Variants in CSGALNACT2 observed in about 807,000 individuals in gnomAD.
CSGALNACT2 encodes beta 4 GalNAcT-2.
In CSGALNACT2, 35 loss-of-function variants were observed where a neutral mutation model predicts 55.3. The ratio of observed to expected loss-of-function variants is 0.63; its 90% confidence interval spans 0.48 to 0.84. The LOEUF is 0.84. Among genes scored for constraint, CSGALNACT2 ranks in the 40% least tolerant of loss-of-function variants. The pLI, the probability that CSGALNACT2 is intolerant of heterozygous loss-of-function variation, is 0.00. For missense variants in CSGALNACT2, 544 were observed against 657.5 expected, an observed-to-expected ratio of 0.83 and a Z score of 1.89; for synonymous variants, 196 against 224.9, an observed-to-expected ratio of 0.87 and a Z score of 1.15.
intron 1 of CSGALNACT2, among the ~76,000 whole-genome samples, chr10:43,147,395 A>G (rs1266722243): frequency 1.3e-5 from 2 of 152,324 alleles, no homozygotes; most frequent in African/African-American, 4.8e-5. Flanking sequence ...CAAGTCCTTT[A>G]TAAGACGCAT....
intron 6 of CSGALNACT2, among the ~76,000 whole-genome samples, chr10:43,173,410 C>T (rs1174280710): frequency 1.3e-5 from 2 of 152,162 alleles, no homozygotes; most frequent in Non-Finnish European, 2.9e-5. Flanking sequence ...TGGATAACTG[C>T]ATCTCCCACA....
Position 43,158,843 on chromosome 10 carries a change from A to G in CSGALNACT2, c.790A>G (p.Met264Val), listed in dbSNP as rs1588901129. Reference sequence around the variant, plus strand: ...ACCTCTCATGAAAGTGAAGAGTGAGATGATTGACATCACTAGATCAATTAT... The same window carrying G: ...ACCTCTCATGAAAGTGAAGAGTGAGGTGATTGACATCACTAGATCAATTAT... The part of the protein sequence containing the change: ...FGPLMKVKSE[M>V]IDITRSIINI... The change falls in exon 3 of 8, where the codon ATG (methionine) becomes GTG (valine). Residue 264 changes from methionine (M) to valine (V), a missense_variant. Around this residue, in one of 2 missense-constraint regions of CSGALNACT2, gnomAD observed 374 missense variants for 401.3 expected, o/e 0.93. Transcript: ENST00000374466. 1.2e-6 allele frequency: 2 copies of G among 1,609,950 alleles called. No homozygotes were observed. Among genetic ancestry groups the G allele is most frequent in the East Asian group, 2.2e-5 (1 of 44,856 alleles).
chr10:43,180,471 C>T (rs1471760011), intron 7 of CSGALNACT2, among the ~76,000 whole-genome samples: 9 of 152,136 alleles, frequency 5.9e-5, no homozygotes, highest in Non-Finnish European at 1.3e-4. Context: ...TCCTTAGATC[C>T]ATCTCACTGC....
Position 43,167,021 on chromosome 10 carries a change from C to T in CSGALNACT2, c.1177C>T (p.Pro393Ser), listed in dbSNP as rs767815956. ...NAEPGKKVFY[P>S]VVFSLYNPAI... ...ATTTGTAGGTAAGAAGGTGTTTTAC[C>T]CTGTGGTGTTCAGTCTTTACAATCC... Residue 393 changes from proline (P) to serine (S), a missense_variant, in exon 6 of 8, where the codon CCT (proline) becomes TCT (serine). Around this residue, in one of 2 missense-constraint regions of CSGALNACT2, gnomAD observed 170 missense variants for 256.2 expected, o/e 0.66. Transcript: ENST00000374466. 4 of 1,609,246 alleles carry T rather than the reference C, an allele frequency of 2.5e-6. No individual in the cohort carries two copies.
At chr10:43,141,028 G>A (rs903446127) in intron 1 of CSGALNACT2, among the ~76,000 whole-genome samples, 1 of 152,090 alleles carries the variant, frequency 6.6e-6, no homozygotes, top group Non-Finnish European at 1.5e-5. Flanking sequence ...TATGCCTACT[G>A]AACACATACA....
At chr10:43,175,899 T>A in intron 6 of CSGALNACT2, 52 bp from the exon 7 acceptor site, 5 of 1,481,284 alleles carry the variant, frequency 3.4e-6, no homozygotes, top group Non-Finnish European at 4.6e-6. Context: ...TGATTAAAAC[T>A]TCTGCTTCTT....
intron 1 of CSGALNACT2, among the ~76,000 whole-genome samples, chr10:43,153,052 T>A (rs1838911110): frequency 6.6e-6 from 1 of 152,146 alleles, no homozygotes; most frequent in Admixed American, 6.5e-5. Flanking sequence ...GTAAGAGAGA[T>A]GCTGTAATAG....
At chr10:43,152,950 A>T (rs1382269690) in intron 1 of CSGALNACT2, among the ~76,000 whole-genome samples, 1 of 152,158 alleles carries the variant, frequency 6.6e-6, no homozygotes, top group East Asian at 1.9e-4. Flanking sequence ...CCTGGAAATA[A>T]TACTAGTTAT....
Position 43,168,057 on chromosome 10 carries a change from A to G in CSGALNACT2, c.1254+959A>G, listed in dbSNP as rs186019418. 5.3e-5 allele frequency among the ~76,000 whole-genome samples: 8 copies of G among 152,320 alleles called. No homozygotes were observed. The East Asian group carries it at 1.3e-3, about 26-fold the overall frequency. On this transcript the variant is annotated intron_variant, in intron 6 of 7. Transcript: ENST00000374466. ...AATATGAAAACATTGAGATAAATCA[A>G]TTTTATAGGGTAAGTTTTCTAAATT... is the stretch of plus-strand genomic sequence containing the variant.
rs200474280 is a variant in CSGALNACT2, at chr10:43,155,538, A to G, written c.389A>G (p.Lys130Arg). 8.1e-6 allele frequency: 13 copies of G among 1,614,206 alleles called. No homozygotes were observed. Among genetic ancestry groups the G allele is most frequent in the Non-Finnish European group, 1.1e-5 (13 of 1,180,034 alleles). Residue 130 changes from lysine to arginine, a missense_variant, in exon 2 of 8, where the codon AAA becomes AGA. Lys to Arg is a conservative substitution (Grantham distance 26). Around this residue, in one of 2 missense-constraint regions of CSGALNACT2, gnomAD observed 374 missense variants for 401.3 expected, o/e 0.93. Transcript: ENST00000374466. ...LLEFLHSQID[K>R]AEVSIGAKLP... ...GAGTTTCTTCATTCCCAAATTGACA[A>G]AGCTGAAGTTAGCATAGGGGCCAAA...
rs17363786 is a variant in CSGALNACT2 at position 43,184,138 on chromosome 10, G to A, written c.*596G>A. The A allele has an allele frequency of 0.035, 5,396 of 152,602 alleles. 160 individuals are homozygous for A. Among genetic ancestry groups the A allele is most frequent in the South Asian group, 0.067 (322 of 4,834 alleles). 9.5% of individuals were successfully genotyped at this position (152,602 alleles called of 1,614,324 possible). A position where few individuals can be genotyped will look rare whatever the true frequency, so the allele number is the denominator to read the frequency against. ...CTGTTGCTTACACCCCTGAAAGTCT[G>A]TTTTTAAGCAAATGGGTAATAGTAG... On this transcript the variant is annotated 3_prime_UTR_variant, in exon 8 of 8. Transcript: ENST00000374466.
chr10:43,180,389 G>A (rs1021610336), intron 7 of CSGALNACT2, among the ~76,000 whole-genome samples: 36 of 151,876 alleles, frequency 2.4e-4, no homozygotes, highest in African/African-American at 7.7e-4. Context: ...AGCTAAGTCC[G>A]GTCTACTAAT....
At chr10:43,144,004 T>C (rs762305339) in intron 1 of CSGALNACT2, among the ~76,000 whole-genome samples, 1 of 152,212 alleles carries the variant, frequency 6.6e-6, no homozygotes, top group Non-Finnish European at 1.5e-5. Context: ...TTCCTAGATA[T>C]TTACACTTCA....
chr10:43,181,610 G>A (rs1182546843), intron 7 of CSGALNACT2, among the ~76,000 whole-genome samples: 3 of 151,714 alleles, frequency 2.0e-5, no homozygotes, highest in Non-Finnish European at 4.4e-5. Context: ...GAAATTAAGT[G>A]GGATAGAATT....
Position 43,184,040 on chromosome 10 carries a change from T to C in CSGALNACT2, c.*498T>C, listed in dbSNP as rs920274910. ...AATCCTTTTCCACTGAAATAGAGGATAATTAATTGACACATCTGAAATCCC... is the reference window on the plus strand; with the variant it reads ...AATCCTTTTCCACTGAAATAGAGGACAATTAATTGACACATCTGAAATCCC... On this transcript the variant is annotated 3_prime_UTR_variant, in exon 8 of 8. Coordinates refer to ENST00000374466, the MANE Select transcript of CSGALNACT2 (RefSeq NM_018590.5). The C allele has an allele frequency of 6.4e-6, 1 of 155,284 alleles. No individual in the cohort carries two copies. Among genetic ancestry groups the C allele is most frequent in the African/African-American group, 2.4e-5 (1 of 41,468 alleles). The allele number at this position is 155,284 out of a possible 1,614,324, so 9.6% of individuals were successfully genotyped here.
intron 1 of CSGALNACT2, among the ~76,000 whole-genome samples, chr10:43,139,248 T>C (rs991741960): frequency 2.0e-5 from 3 of 152,222 alleles, no homozygotes; most frequent in African/African-American, 7.2e-5. Context: ...TCATGTCTGG[T>C]AATTAATGTT....
chr10:43,156,028 G>C (rs899078937), intron 2 of CSGALNACT2, among the ~76,000 whole-genome samples: 1 of 152,168 alleles, frequency 6.6e-6, no homozygotes, highest in Non-Finnish European at 1.5e-5. Flanking sequence ...CTGGAAAAAG[G>C]TATGAGATCA....
intron 4 of CSGALNACT2, chr10:43,162,576 T>G: frequency 2.0e-6 from 2 of 985,460 alleles, no homozygotes; most frequent in Non-Finnish European, 2.4e-6. Context: ...TTCAGAGCAC[T>G]TGGAGTCCAC....
chr10:43,143,782 A>G (rs1482848488), intron 1 of CSGALNACT2, among the ~76,000 whole-genome samples: 1 of 152,176 alleles, frequency 6.6e-6, no homozygotes, highest in Non-Finnish European at 1.5e-5. Flanking sequence ...ACACGCTGTT[A>G]AAAGGATCCA....
Sources: gnomAD v4.1 joint callset for allele counts (sites outside exome capture counted in the v4.1 genomes callset) on GRCh38, gnomAD v4.1.1 for gene constraint, gnomAD v4.1.1 regional missense constraint, MANE v1.5 for transcripts, NCBI Gene and HGNC (gene_info 2026-07-23, HGNC 2026-07-21) for gene names.